The following GPHN variants were observed in gnomAD, a reference collection of about 807,000 sequenced individuals.
GPHN encodes gephyrin.
Under a neutral mutation model 95.5 loss-of-function variants are expected in GPHN, and 17 were observed. That is an observed-to-expected ratio of 0.18 (90% CI 0.12 to 0.27). The LOEUF is 0.27. Among genes scored for constraint, GPHN ranks in the 10% least tolerant of loss-of-function variants. The pLI is 1.00. For missense variants in GPHN, 660 were observed against 978.1 expected (o/e 0.67, Z 4.34); for synonymous variants, 320 against 322.5 (o/e 0.99, Z 0.08).
At chr14:67,087,526 G>A (rs1298372552) in intron 11 of GPHN, among the ~76,000 whole-genome samples, 2 of 152,164 alleles carry the variant, frequency 1.3e-5, no homozygotes, top group South Asian at 4.1e-4. Flanking sequence ...CTCCAGAATA[G>A]CTTCAACATC....
At chr14:67,399,886 T>C in the GPHN span, among the ~76,000 whole-genome samples, 1 of 152,246 alleles carries the variant, frequency 6.6e-6, no homozygotes, top group Middle Eastern at 3.4e-3. Context: ...GGAATGAGTT[T>C]AGTACACAGT....
downstream of GPHN, among the ~76,000 whole-genome samples, chr14:67,184,558 A>G (rs2083359313): frequency 6.6e-6 from 1 of 152,226 alleles, no homozygotes; most frequent in Non-Finnish European, 1.5e-5. Context: ...AAGTTATAGA[A>G]GGGAGAGATG....
At chr14:67,417,697 T>C in the GPHN span, among the ~76,000 whole-genome samples, 56 of 151,712 alleles carry the variant, frequency 3.7e-4, no homozygotes, top group African/African-American at 1.3e-3. Flanking sequence ...TCCCAAAGTG[T>C]TGGGGTTATA....
At chr14:67,490,748 T>C in the GPHN span, among the ~76,000 whole-genome samples, 13 of 152,158 alleles carry the variant, frequency 8.5e-5, no homozygotes, top group Non-Finnish European at 1.6e-4. Flanking sequence ...CCAGAAAGCA[T>C]GCAGGCAAAT....
At chr14:67,137,302 C>T (rs59055504) in intron 17 of GPHN, among the ~76,000 whole-genome samples, 14 of 151,780 alleles carry the variant, frequency 9.2e-5, no homozygotes, top group Admixed American at 7.8e-4. Context: ...CCCGCCACCA[C>T]GCCCGGCTAA....
At chr14:66,533,827 G>A (rs1368940862) in intron 1 of GPHN, among the ~76,000 whole-genome samples, 1 of 152,168 alleles carries the variant, frequency 6.6e-6, no homozygotes, top group African/African-American at 2.4e-5. Flanking sequence ...TGACTATCTG[G>A]TAATTTGAAA....
the GPHN span, among the ~76,000 whole-genome samples, chr14:67,605,302 G>A: frequency 8.4e-4 from 128 of 152,142 alleles, 2 homozygotes; most frequent in South Asian, 0.026. Flanking sequence ...GGTATTTGAT[G>A]TTTTCTGATA....
intron 8 of GPHN, among the ~76,000 whole-genome samples, chr14:66,941,337 A>G (rs896088421): frequency 3.9e-5 from 6 of 152,200 alleles, no homozygotes; most frequent in African/African-American, 1.4e-4. Context: ...TGCATAAAGT[A>G]CAGCAAGAAT....
the GPHN span, among the ~76,000 whole-genome samples, chr14:67,560,727 CTTTTTTTT>C: frequency 7.9e-6 from 1 of 126,430 alleles, no homozygotes; most frequent in African/African-American, 3.0e-5. Flanking sequence ...GAACATATAT[CTTTTTTTT>C]TTTTTTTTTT....
intron 4 of GPHN, among the ~76,000 whole-genome samples, chr14:66,866,674 TG>T (rs199742548): frequency 6.6e-6 from 1 of 152,112 alleles, no homozygotes; most frequent in East Asian, 1.9e-4. Flanking sequence ...ATAGTTAAAG[TG>T]AAAAAAACTT....
intron 5 of GPHN, among the ~76,000 whole-genome samples, chr14:66,886,346 A>G (rs2064187163): frequency 6.6e-6 from 1 of 152,138 alleles, no homozygotes; most frequent in Non-Finnish European, 1.5e-5. Flanking sequence ...CTATAAAAAC[A>G]CTTGCAAATA....
intron 8 of GPHN, among the ~76,000 whole-genome samples, chr14:66,938,617 A>T (rs930563680): frequency 7.2e-5 from 11 of 152,084 alleles, no homozygotes; most frequent in African/African-American, 2.7e-4. Context: ...GCAGAAGTCT[A>T]CTCATGAGTC....
chr14:67,357,019 G>A, the GPHN span, among the ~76,000 whole-genome samples: 2 of 152,172 alleles, frequency 1.3e-5, no homozygotes, highest in African/African-American at 4.8e-5. Context: ...CTAGGGAATG[G>A]CATCTTTGTG....
chr14:67,616,637 G>C, the GPHN span: 2 of 151,396 alleles, frequency 1.3e-5, no homozygotes. Context: ...TAGGACTACA[G>C]GTTGAGTATT....
At chr14:67,647,089 T>C in the GPHN span, 5 of 1,048,086 alleles carry the variant, frequency 4.8e-6, no homozygotes, top group Non-Finnish European at 7.3e-6. Flanking sequence ...AGCCTGTTTC[T>C]TGAGGACAGC....
intron 4 of GPHN, among the ~76,000 whole-genome samples, chr14:66,875,001 C>T (rs979575711): frequency 6.6e-6 from 1 of 152,076 alleles, no homozygotes; most frequent in African/African-American, 2.4e-5. Flanking sequence ...GTAAGGGCAG[C>T]CAGAGAGAAA....
chr14:67,606,921 C>T, the GPHN span, among the ~76,000 whole-genome samples: 1 of 152,174 alleles, frequency 6.6e-6, no homozygotes. Context: ...GCTGGGATTA[C>T]AGGCGTGAGC....
At chr14:67,193,576 T>TATATATAGATATAGATATATATCTATAG in the GPHN span, among the ~76,000 whole-genome samples, 6 of 144,642 alleles carry the variant, frequency 4.1e-5, no homozygotes, top group Admixed American at 6.9e-5. Context: ...TATATAGATC[T>TATATATAGATATAGATATATATCTATAG]ATATATAGAT....
intron 2 of GPHN, among the ~76,000 whole-genome samples, chr14:66,688,181 A>G (rs144721630): frequency 1.3e-5 from 2 of 152,322 alleles, no homozygotes; most frequent in South Asian, 2.1e-4. Context: ...AAAAATATTT[A>G]CTATTCACTA....
Sources: gnomAD v4.1 joint callset for allele counts (sites outside exome capture counted in the v4.1 genomes callset) on GRCh38, gnomAD v4.1.1 for gene constraint, MANE v1.5 for transcripts, NCBI Gene and HGNC (gene_info 2026-07-23, HGNC 2026-07-21) for gene names.